JAKMIP2: variants seen among roughly 807,000 people sequenced by gnomAD.
JAKMIP2 encodes the protein janus kinase and microtubule-interacting protein 2.
JAKMIP2 carries 25 observed loss-of-function variants against 115.0 expected under a neutral mutation model. The observed-to-expected ratio is 0.22, with a 90% CI of 0.16 to 0.30. JAKMIP2 has a LOEUF of 0.30. Ranked by LOEUF, JAKMIP2 falls within the 10% of genes least tolerant of loss-of-function variation. The pLI is 1.00. For missense variants in JAKMIP2, 642 were observed against 957.6 expected, an observed-to-expected ratio of 0.67 and a Z score of 4.35; for synonymous variants, 334 against 343.6, an observed-to-expected ratio of 0.97 and a Z score of 0.31.
intron 15 of JAKMIP2, among the ~76,000 whole-genome samples, chr5:147,629,367 C>T (rs887612444): frequency 6.6e-6 from 1 of 152,134 alleles, no homozygotes; most frequent in Non-Finnish European, 1.5e-5. Flanking sequence ...TTTGCAAATG[C>T]GTGACTGATT....
At chr5:147,771,875 T>C (rs1362579597) in intron 1 of JAKMIP2, among the ~76,000 whole-genome samples, 1 of 152,136 alleles carries the variant, frequency 6.6e-6, no homozygotes, top group Non-Finnish European at 1.5e-5. Flanking sequence ...GAAGCTTTTG[T>C]GGTATTGCTG....
rs1377774423 is a variant in JAKMIP2, at chr5:147,648,467, C to T, written c.845G>A (p.Arg282Gln). 10 of 1,586,134 alleles carry T rather than the reference C, an allele frequency of 6.3e-6. No homozygotes were observed. Among genetic ancestry groups the T allele is most frequent in the East Asian group, 2.2e-5 (1 of 44,620 alleles). Reference protein sequence around the residue: ...GSEHCSSPDLRRNQKRIAELN... With the variant: ...GSEHCSSPDLQRNQKRIAELN... The stretch of plus-strand genomic sequence containing the variant: ...TTCAGCTATTCTCTTTTGATTTCTT[C>T]GCAAATCCTACAAAGAAAAATTAAA... The change falls in exon 5 of 22, where the codon CGA becomes CAA. Residue 282 changes from arginine to glutamine, a missense_variant. This residue lies in a region of JAKMIP2 where 439 missense variants were observed against 570.9 expected (regional missense o/e 0.77). Transcript: ENST00000616793.
In JAKMIP2 at chr5:147,639,748, C is replaced by G; in HGVS notation, c.1414G>C (p.Glu472Gln). 1 of 1,612,150 alleles carries G rather than the reference C, an allele frequency of 6.2e-7. No homozygotes were observed. The highest frequency in any genetic ancestry group is 8.5e-7 in the Non-Finnish European group (1 of 1,179,662). Residue 472 changes from glutamate (E) to glutamine (Q), a missense_variant, in exon 10 of 22, where the codon GAA becomes CAA. Glu to Gln is a conservative substitution (Grantham distance 29). Around this residue, in one of 6 missense-constraint regions of JAKMIP2, gnomAD observed 103 missense variants for 177.6 expected, o/e 0.58. Coordinates refer to ENST00000616793, the MANE Select transcript of JAKMIP2 (RefSeq NM_001270941.2). ...TGTCGAAATCTTAGTTCAGATTCTT[C>G]AGCTGCTAAACTCTTGAGGTTAAGA... ...DDDLDESLAA[E>Q]ESELRFRQLT...
chr5:147,642,115 T>C (rs1303084809), intron 7 of JAKMIP2, among the ~76,000 whole-genome samples: 12 of 152,208 alleles, frequency 7.9e-5, no homozygotes, highest in Admixed American at 7.9e-4. Context: ...AAAATTACTT[T>C]AAATTTGTGT....
intron 21 of JAKMIP2, 142 bp downstream of exon 21, chr5:147,601,599 T>C: frequency 2.1e-6 from 1 of 481,892 alleles, no homozygotes; most frequent in Non-Finnish European, 3.7e-6. Context: ...CAAGACTCTG[T>C]CTCAAAACAA....
chr5:147,666,456 T>A (rs1409186243), intron 2 of JAKMIP2, among the ~76,000 whole-genome samples: 1 of 152,210 alleles, frequency 6.6e-6, no homozygotes, highest in Non-Finnish European at 1.5e-5. Flanking sequence ...AGCTCAACCA[T>A]ATAATAGCTA....
intron 1 of JAKMIP2, among the ~76,000 whole-genome samples, chr5:147,709,773 C>T (rs776511531): frequency 1.2e-4 from 19 of 152,066 alleles, no homozygotes; most frequent in African/African-American, 4.3e-4. Context: ...TGCCTAAATC[C>T]GGGAGGCGGA....
intron 1 of JAKMIP2, among the ~76,000 whole-genome samples, chr5:147,730,448 ATTTT>A (rs10690155): frequency 2.1e-5 from 3 of 145,414 alleles, no homozygotes; most frequent in Non-Finnish European, 4.6e-5. Flanking sequence ...ATCTTGCCCT[ATTTT>A]TTTTTTTTGT....
At chr5:147,641,515 T>G (rs1451388720) in intron 8 of JAKMIP2, among the ~76,000 whole-genome samples, 193 bp downstream of exon 8, 1 of 152,160 alleles carries the variant, frequency 6.6e-6, no homozygotes, top group Admixed American at 6.6e-5. Flanking sequence ...AGGTTAAAAT[T>G]TACAACATAA....
At chr5:147,659,482 A>G (rs1259057639) in intron 3 of JAKMIP2, among the ~76,000 whole-genome samples, 1 of 152,168 alleles carries the variant, frequency 6.6e-6, no homozygotes, top group Non-Finnish European at 1.5e-5. Context: ...CCATTCGGCC[A>G]TCTTGGCCCC....
At position 147,661,259 on chromosome 5, in the gene JAKMIP2, C is replaced by G; in HGVS notation, c.316G>C (p.Val106Leu). The change falls in exon 3 of 22, where the codon GTA becomes CTA. Residue 106 changes from valine (V) to leucine (L), a missense_variant. Coordinates refer to ENST00000616793, the MANE Select transcript of JAKMIP2 (RefSeq NM_001270941.2). ...AGCCTCTGGATCTCTCCATCACGTACCTTCACCGTCCTTGACATTTCCTGC... is the reference window on the plus strand; with the variant it reads ...AGCCTCTGGATCTCTCCATCACGTAGCTTCACCGTCCTTGACATTTCCTGC... ...HEQEMSRTVK[V>L]RDGEIQRLKS... 1.2e-6 allele frequency: 2 copies of G among 1,613,914 alleles called. No individual in the cohort carries two copies. Among genetic ancestry groups the G allele is most frequent in the Non-Finnish European group, 1.7e-6 (2 of 1,180,006 alleles).
intron 12 of JAKMIP2, among the ~76,000 whole-genome samples, chr5:147,633,882 G>A (rs1757484827): frequency 6.6e-6 from 1 of 151,972 alleles, no homozygotes; most frequent in Non-Finnish European, 1.5e-5. Context: ...TAGAGACAGG[G>A]TTTCACCACG....
At chr5:147,710,459 G>T (rs1263502304) in intron 1 of JAKMIP2, among the ~76,000 whole-genome samples, 1 of 152,076 alleles carries the variant, frequency 6.6e-6, no homozygotes, top group East Asian at 1.9e-4. Context: ...AGGAGCACAG[G>T]CTTAAAATCA....
chr5:147,682,856 C>T (rs1760360399), intron 1 of JAKMIP2, among the ~76,000 whole-genome samples: 2 of 152,136 alleles, frequency 1.3e-5, no homozygotes, highest in African/African-American at 2.4e-5. Context: ...TAATCCTTGC[C>T]TCCATCCATC....
intron 16 of JAKMIP2, 150 bp downstream of exon 16, chr5:147,628,601 T>C: frequency 2.0e-6 from 1 of 500,036 alleles, no homozygotes; most frequent in Non-Finnish European, 3.5e-6. Flanking sequence ...GTTCTCATTC[T>C]ATCTGGGTTG....
intron 1 of JAKMIP2, among the ~76,000 whole-genome samples, chr5:147,694,996 G>T (rs1215264849): frequency 1.3e-5 from 2 of 152,168 alleles, no homozygotes; most frequent in Non-Finnish European, 2.9e-5. Flanking sequence ...GCACATGCAA[G>T]CGAGCCAATT....
intron 20 of JAKMIP2, 35 bp downstream of exon 20, chr5:147,612,271 C>G (rs976470296): frequency 6.1e-6 from 8 of 1,313,650 alleles, no homozygotes; most frequent in Non-Finnish European, 6.6e-6. Context: ...TCTGATTAAA[C>G]AAATAATAAG....
rs76555569 is a variant in JAKMIP2, at chr5:147,673,741, T to A, written c.-148-1787A>T. Among the ~76,000 whole-genome samples, 1,111 of 152,226 alleles carry A rather than the reference T, an allele frequency of 7.3e-3. 51 individuals carry two copies. The East Asian group carries it at 0.13, about 18-fold the overall frequency. On this transcript the variant is annotated intron_variant, in intron 1 of 21. Coordinates refer to ENST00000616793, the MANE Select transcript of JAKMIP2 (RefSeq NM_001270941.2). ...AATTCAGCAAGCACATATTGAACATTTGTGTGACCAGCACCAATAGGCAAA... is the reference window on the plus strand; with the variant it reads ...AATTCAGCAAGCACATATTGAACATATGTGTGACCAGCACCAATAGGCAAA...
At chr5:147,729,787 A>G (rs1345771147) in intron 1 of JAKMIP2, among the ~76,000 whole-genome samples, 1 of 151,978 alleles carries the variant, frequency 6.6e-6, no homozygotes, top group African/African-American at 2.4e-5. Context: ...AAAAAAAAAA[A>G]AAAACTTTGT....
Sources: allele counts gnomAD v4.1 joint callset (sites outside exome capture counted in the v4.1 genomes callset), GRCh38; gene constraint gnomAD v4.1.1; regional missense constraint gnomAD v4.1.1; transcripts MANE v1.5; gene names NCBI Gene and HGNC (gene_info 2026-07-23, HGNC 2026-07-21).